The following ZNF804B variants were observed in gnomAD, a reference collection of about 807,000 sequenced individuals.
ZNF804B encodes the protein zinc finger protein 804B.
ZNF804B carries 80 observed loss-of-function variants against 101.4 expected under a neutral mutation model. The observed-to-expected ratio is 0.79, with a 90% CI of 0.66 to 0.95. ZNF804B has a LOEUF of 0.95. Ranked by LOEUF, ZNF804B falls within the 40% of genes least tolerant of loss-of-function variation. The probability of loss-of-function intolerance (pLI) is 0.00; values close to 1 mark genes in which losing one functional copy is unlikely to be tolerated. For missense variants in ZNF804B, 1,673 were observed against 1,561.9 expected (o/e 1.07, Z -1.20); for synonymous variants, 622 against 558.8 (o/e 1.11, Z -1.59).
At chr7:88,960,284 C>T (rs2116087914) in intron 1 of ZNF804B, among the ~76,000 whole-genome samples, 1 of 151,428 alleles carries the variant, frequency 6.6e-6, no homozygotes, top group East Asian at 2.0e-4. Context: ...TCAAAATGCT[C>T]AGTCTACTGG....
intron 1 of ZNF804B, among the ~76,000 whole-genome samples, chr7:89,072,000 G>A (rs1315617741): frequency 1.3e-5 from 2 of 152,132 alleles, no homozygotes; most frequent in East Asian, 3.9e-4. Context: ...GATAAAAATG[G>A]GAAAGAGAAG....
At chr7:89,016,933 G>A (rs1788574347) in intron 1 of ZNF804B, among the ~76,000 whole-genome samples, 1 of 152,078 alleles carries the variant, frequency 6.6e-6, no homozygotes, top group African/African-American at 2.4e-5. Flanking sequence ...TGGCATTATG[G>A]CCGTTTTCAC....
intron 1 of ZNF804B, among the ~76,000 whole-genome samples, chr7:89,085,924 G>C (rs1231846688): frequency 6.6e-6 from 1 of 151,710 alleles, no homozygotes; most frequent in Non-Finnish European, 1.5e-5. Context: ...GATTCTTCCG[G>C]GATTTTTAAA....
chr7:89,112,931 T>C (rs1056622191), intron 1 of ZNF804B, among the ~76,000 whole-genome samples: 4 of 152,184 alleles, frequency 2.6e-5, no homozygotes, highest in Non-Finnish European at 4.4e-5. Context: ...CAGATAGATA[T>C]AATCACCATG....
chr7:89,331,272 G>A (rs1295766346), intron 3 of ZNF804B, among the ~76,000 whole-genome samples: 2 of 151,638 alleles, frequency 1.3e-5, no homozygotes, highest in Non-Finnish European at 3.0e-5. Flanking sequence ...GCTGTTTCTG[G>A]ATCACTTCCT....
intron 1 of ZNF804B, among the ~76,000 whole-genome samples, chr7:88,931,264 A>G (rs1045356083): frequency 6.6e-6 from 1 of 151,960 alleles, no homozygotes; most frequent in Non-Finnish European, 1.5e-5. Flanking sequence ...TCCATAGTTA[A>G]TTCATGCATG....
chr7:88,827,015 A>C (rs1288192791), intron 1 of ZNF804B, among the ~76,000 whole-genome samples: 1 of 152,116 alleles, frequency 6.6e-6, no homozygotes, highest in Non-Finnish European at 1.5e-5. Flanking sequence ...ACAGAAAATA[A>C]TTTTGAAAAT....
chr7:89,030,553 CT>C lies in ZNF804B; in HGVS notation c.109-187601del, dbSNP rs539782740. 3.3e-5 allele frequency among the ~76,000 whole-genome samples: 5 copies of C among 152,244 alleles called. No homozygotes were observed. In the East Asian group the frequency reaches 9.7e-4, roughly 29 times the overall value. On this transcript the variant is annotated intron_variant, in intron 1 of 3. Coordinates refer to ENST00000333190, the MANE Select transcript of ZNF804B (RefSeq NM_181646.5). Reference sequence around the variant, plus strand: ...TTCTGCTGTTATGTGTTGCCTACATCTCCCTCACTCATCAGTCTTGAGTTTT... The same window carrying C: ...TTCTGCTGTTATGTGTTGCCTACATCCCCTCACTCATCAGTCTTGAGTTTT...
intron 1 of ZNF804B, among the ~76,000 whole-genome samples, chr7:89,127,880 T>G (rs1327577834): frequency 8.0e-6 from 1 of 124,352 alleles, no homozygotes; most frequent in Non-Finnish European, 1.9e-5. Flanking sequence ...TAAAATCCAT[T>G]TGTATCTGTA....
chr7:89,312,991 G>T lies in ZNF804B; in HGVS notation c.250-14353G>T, dbSNP rs532612231. ...TATCCTGTTCTAGATTATTGTTAGT[G>T]ATCTGTAAATGTCTTCCAAATCATT... On this transcript the variant is annotated intron_variant, in intron 2 of 3. Transcript: ENST00000333190. 3.9e-5 allele frequency among the ~76,000 whole-genome samples: 6 copies of T among 152,216 alleles called. No homozygotes were observed. The South Asian group carries it at 1.2e-3, about 32-fold the overall frequency.
At chr7:89,310,529 A>T (rs1562942753) in intron 2 of ZNF804B, among the ~76,000 whole-genome samples, 1 of 152,054 alleles carries the variant, frequency 6.6e-6, no homozygotes, top group African/African-American at 2.4e-5. Context: ...ATTTCAGAAG[A>T]TTTAGGTAGG....
chr7:89,160,235 G>A (rs1791038263), intron 1 of ZNF804B, among the ~76,000 whole-genome samples: 1 of 152,006 alleles, frequency 6.6e-6, no homozygotes, highest in African/African-American at 2.4e-5. Context: ...TGATATTTTT[G>A]TTTACACTCT....
At chr7:89,012,748 C>T (rs1428679650) in intron 1 of ZNF804B, among the ~76,000 whole-genome samples, 1 of 152,168 alleles carries the variant, frequency 6.6e-6, no homozygotes, top group Non-Finnish European at 1.5e-5. Flanking sequence ...CTGTTCAAAC[C>T]TCTGCCTGTT....
At chr7:88,817,335 C>T (rs1790899776) in intron 1 of ZNF804B, among the ~76,000 whole-genome samples, 2 of 152,006 alleles carry the variant, frequency 1.3e-5, no homozygotes, top group South Asian at 4.2e-4. Context: ...ACATATGTAA[C>T]AAACCTGCAC....
At position 88,868,270 on chromosome 7, in the gene ZNF804B, A is replaced by G. The variant is rs547688286; in HGVS notation, c.108+108186A>G. Among the ~76,000 whole-genome samples the G allele has an allele frequency of 1.3e-4, 20 of 152,152 alleles. 1 individual carries two copies. The highest frequency in any genetic ancestry group is 4.8e-4 in the African/African-American group (20 of 41,512). On this transcript the variant is annotated intron_variant, in intron 1 of 3. Transcript: ENST00000333190. ...TTATTTGGATGTTGTAACTGGAATT[A>G]CCTTCTCCAGTCCTCCTTGCTGCTC...
At chr7:89,232,248 A>G in intron 2 of ZNF804B, among the ~76,000 whole-genome samples, 1 of 152,150 alleles carries the variant, frequency 6.6e-6, no homozygotes, top group East Asian at 1.9e-4. Context: ...ATTTTTGGAT[A>G]TTAATTCAAC....
At chr7:88,817,357 G>A (rs923228135) in intron 1 of ZNF804B, among the ~76,000 whole-genome samples, 4 of 151,986 alleles carry the variant, frequency 2.6e-5, no homozygotes, top group Admixed American at 1.3e-4. Flanking sequence ...TTGTGCACAT[G>A]TACGCTAGAA....
chr7:89,198,062 T>C (rs923148239), intron 1 of ZNF804B, among the ~76,000 whole-genome samples: 1 of 151,844 alleles, frequency 6.6e-6, no homozygotes, highest in South Asian at 2.1e-4. Context: ...AACAATAGGA[T>C]TAGCAAACAA....
intron 2 of ZNF804B, among the ~76,000 whole-genome samples, chr7:89,237,936 G>GA (rs1789309318): frequency 6.6e-6 from 1 of 152,128 alleles, no homozygotes; most frequent in African/African-American, 2.4e-5. Context: ...TCACAAAGAA[G>GA]AAACTGTTAA....
Sources: gnomAD v4.1 joint callset for allele counts (sites outside exome capture counted in the v4.1 genomes callset) on GRCh38, gnomAD v4.1.1 for gene constraint, MANE v1.5 for transcripts, NCBI Gene and HGNC (gene_info 2026-07-23, HGNC 2026-07-21) for gene names.